The following EFCAB5 variants were observed in gnomAD, a reference collection of about 807,000 sequenced individuals.
EFCAB5 encodes the protein EF-hand calcium-binding domain-containing protein 5.
In EFCAB5, 131 loss-of-function variants were observed where a neutral mutation model predicts 167.9. The ratio of observed to expected loss-of-function variants is 0.78; its 90% CI spans 0.68 to 0.90. The LOEUF (loss-of-function observed/expected upper bound fraction) is 0.90, where lower values mean the gene tolerates loss of function less well. EFCAB5 is among the 40% of genes least tolerant of loss of function. EFCAB5 has a pLI of 0.00. For synonymous variants in EFCAB5, 574 were observed against 602.8 expected (o/e 0.95, Z 0.70); for missense variants, 1,663 against 1,745.2 (o/e 0.95, Z 0.84).
chr17:30,046,258 T>G (rs1006919177), intron 8 of EFCAB5, among the ~76,000 whole-genome samples: 1 of 152,152 alleles, frequency 6.6e-6, no homozygotes, highest in Admixed American at 6.5e-5. Flanking sequence ...TAATGAAAAT[T>G]TTCTTAAAAA....
chr17:29,935,623 T>TA (rs1165729985), intron 1 of EFCAB5, among the ~76,000 whole-genome samples: 1 of 150,998 alleles, frequency 6.6e-6, no homozygotes, highest in Non-Finnish European at 1.5e-5. Flanking sequence ...TAACTAGATA[T>TA]AAAGTTGTTA....
At chr17:29,986,646 T>TTTTTTTTTC (rs2068289309) in intron 4 of EFCAB5, among the ~76,000 whole-genome samples, 6 of 126,696 alleles carry the variant, frequency 4.7e-5, no homozygotes, top group Non-Finnish European at 1.0e-4. Context: ...CATTTTTTTT[T>TTTTTTTTTC]TTTTTTTTTT....
chr17:30,039,029 G>C (rs2151749001), intron 8 of EFCAB5, among the ~76,000 whole-genome samples: 1 of 152,206 alleles, frequency 6.6e-6, no homozygotes, highest in East Asian at 1.9e-4. Flanking sequence ...CTGGGGTAAA[G>C]GATCCTCACA....
intron 14 of EFCAB5, among the ~76,000 whole-genome samples, chr17:30,070,189 C>T (rs2070696105): frequency 6.6e-6 from 1 of 151,950 alleles, no homozygotes; most frequent in Non-Finnish European, 1.5e-5. Context: ...AGAAAATTCA[C>T]ATTTGCCTTA....
At chr17:29,954,060 G>A (rs576885103) in intron 3 of EFCAB5, among the ~76,000 whole-genome samples, 2 of 152,270 alleles carry the variant, frequency 1.3e-5, no homozygotes, top group South Asian at 4.1e-4. Context: ...TCTAAGCAGT[G>A]AAGGGTTCAA....
intron 8 of EFCAB5, among the ~76,000 whole-genome samples, chr17:30,045,052 G>C (rs77627079): frequency 0.015 from 2,332 of 152,198 alleles, 62 homozygotes; most frequent in African/African-American, 0.052. Context: ...AGAACCAAAG[G>C]ATGCGCCATT....
At chr17:30,034,934 C>T (rs890745472) in intron 8 of EFCAB5, among the ~76,000 whole-genome samples, 1 of 152,108 alleles carries the variant, frequency 6.6e-6, no homozygotes, top group Non-Finnish European at 1.5e-5. Flanking sequence ...TATAAAGGGG[C>T]CCTTATGTGC....
rs377060814 is a variant in EFCAB5 at position 30,080,645 on chromosome 17, T to TCATATAA, written c.3198-107_3198-101dup. On this transcript the variant is annotated intron_variant, in intron 16 of 22. Transcript: ENST00000394835. The stretch of plus-strand genomic sequence containing the variant: ...CATCTTATCTGAGTCCACTGCTCGG[T>TCATATAA]CATATAATGCCACAGATTGTGAATA... 1.6e-3 allele frequency: 1,334 copies of TCATATAA among 826,334 alleles called. 7 individuals are homozygous for TCATATAA. In the African/African-American group the frequency reaches 0.021, roughly 13 times the overall value. The allele number at this position is 826,334 out of a possible 1,614,324, so 51.2% of individuals were successfully genotyped here.
Position 29,969,057 on chromosome 17 carries a change from A to G in EFCAB5, c.457A>G (p.Arg153Gly), listed in dbSNP as rs1597596651. ...AAAAAAGGCTGAAAAAAAACTCCCTAGGGATAATTTGGCCAAAGAGTGGTT... is the reference window on the plus strand; with the variant it reads ...AAAAAAGGCTGAAAAAAAACTCCCTGGGGATAATTTGGCCAAAGAGTGGTT... ...LEKKAEKKLP[R>G]DNLAKEWFNT... Residue 153 changes from arginine to glycine, a missense_variant, in exon 4 of 23, where the codon AGG (arginine) becomes GGG (glycine). Coordinates refer to ENST00000394835, the MANE Select transcript of EFCAB5 (RefSeq NM_198529.4). The G allele has an allele frequency of 6.2e-7, 1 of 1,609,546 alleles. No homozygotes were observed. The highest frequency in any genetic ancestry group is 8.5e-7 in the Non-Finnish European group (1 of 1,178,346).
intron 15 of EFCAB5, 127 bp from the exon 16 acceptor site, chr17:30,079,944 AT>A: frequency 9.1e-7 from 1 of 1,104,456 alleles, no homozygotes; most frequent in South Asian, 1.7e-5. Context: ...GAATAGTAAT[AT>A]ATGCATTCTT....
chr17:29,968,316 C>T, intron 3 of EFCAB5: 1 of 454,306 alleles, frequency 2.2e-6, no homozygotes, highest in South Asian at 1.6e-5. Flanking sequence ...TCCCATTTCC[C>T]TTTACCAGCG....
chr17:29,942,365 C>T, intron 2 of EFCAB5, 63 bp downstream of exon 2: 1 of 1,393,220 alleles, frequency 7.2e-7, no homozygotes, highest in Non-Finnish European at 9.5e-7. Context: ...AATCAATTTT[C>T]TTATGATAAA....
intron 7 of EFCAB5, among the ~76,000 whole-genome samples, chr17:30,000,681 C>G (rs1301447320): frequency 3.3e-5 from 5 of 152,086 alleles, no homozygotes; most frequent in African/African-American, 9.7e-5. Flanking sequence ...AGATTATGCA[C>G]TATATACATT....
intron 18 of EFCAB5, among the ~76,000 whole-genome samples, chr17:30,084,364 C>G (rs979937967): frequency 6.6e-6 from 1 of 152,116 alleles, no homozygotes; most frequent in Non-Finnish European, 1.5e-5. Flanking sequence ...AGAAGAACAT[C>G]GTCAGGGCCT....
At chr17:29,947,093 G>A (rs2067416703) in intron 3 of EFCAB5, among the ~76,000 whole-genome samples, 1 of 150,656 alleles carries the variant, frequency 6.6e-6, no homozygotes, top group South Asian at 2.1e-4. Flanking sequence ...AGAATTGCTT[G>A]AACCCAGGAG....
chr17:29,988,177 T>C lies in EFCAB5; in HGVS notation c.768-4988T>C, dbSNP rs559693207. ...CAGTAGCAACTAGGTGATCAGCCAT[T>C]TGATTCCCTTCAGTTAAAGGTCCTG... On this transcript the variant is annotated intron_variant, in intron 4 of 22. Coordinates refer to ENST00000394835, the MANE Select transcript of EFCAB5 (RefSeq NM_198529.4). 2.0e-5 allele frequency among the ~76,000 whole-genome samples: 3 copies of C among 152,326 alleles called. No homozygotes were observed. In the East Asian group the frequency reaches 5.8e-4, roughly 29 times the overall value.
At chr17:30,105,579 G>A (rs1300011912) in intron 22 of EFCAB5, among the ~76,000 whole-genome samples, 4 of 152,104 alleles carry the variant, frequency 2.6e-5, no homozygotes, top group East Asian at 1.9e-4. Flanking sequence ...TATGTATGTC[G>A]ATTGGTCTAG....
At chr17:30,040,558 T>A (rs1381499315) in intron 8 of EFCAB5, among the ~76,000 whole-genome samples, 1 of 152,220 alleles carries the variant, frequency 6.6e-6, no homozygotes, top group Non-Finnish European at 1.5e-5. Context: ...TTAACAGCTA[T>A]AGTAAGTATA....
intron 7 of EFCAB5, among the ~76,000 whole-genome samples, chr17:30,007,851 G>T (rs1235114412): frequency 6.6e-6 from 1 of 152,114 alleles, no homozygotes; most frequent in Admixed American, 6.5e-5. Context: ...GCCAGGCATG[G>T]TGGCTCACGC....
Sources: allele counts gnomAD v4.1 joint callset (sites outside exome capture counted in the v4.1 genomes callset), GRCh38; gene constraint gnomAD v4.1.1; transcripts MANE v1.5; gene names NCBI Gene and HGNC (gene_info 2026-07-23, HGNC 2026-07-21).